MOV10L1: variants seen among roughly 807,000 people sequenced by gnomAD.
The protein encoded by MOV10L1 is Mov10 like RNA helicase 1, also known as RNA helicase Mov10l1.
MOV10L1 carries 110 observed loss-of-function variants against 143.8 expected under a neutral mutation model. The ratio of observed to expected loss-of-function variants is 0.76; its 90% confidence interval spans 0.66 to 0.90. The LOEUF (loss-of-function observed/expected upper bound fraction) is 0.90, where lower values mean the gene tolerates loss of function less well. MOV10L1 is among the 40% of genes least tolerant of loss of function. MOV10L1 has a pLI of 0.00. For missense variants in MOV10L1, 1,406 were observed against 1,526.8 expected (o/e 0.92, Z 1.32); for synonymous variants, 593 against 581.1 (o/e 1.02, Z -0.29).
At chr22:50,160,413 A>AT (rs773599179) in intron 24 of MOV10L1, among the ~76,000 whole-genome samples, 5,717 of 142,426 alleles carry the variant, frequency 0.04, 175 homozygotes, top group Non-Finnish European at 0.058. Context: ...CGCCCAGCTA[A>AT]TTTTTTTTTT....
chr22:50,134,625 A>C lies in MOV10L1; in HGVS notation c.2065A>C (p.Lys689Gln). The C allele has an allele frequency of 1.2e-6, 2 of 1,614,004 alleles. No individual in the cohort carries two copies. The highest frequency in any genetic ancestry group is 1.7e-6 in the Non-Finnish European group (2 of 1,179,860). Residue 689 changes from lysine to glutamine, a missense_variant, in exon 15 of 27, where the codon AAA (lysine) becomes CAA (glutamine). Physicochemically the swap from Lys to Gln is moderately conservative, Grantham distance 53. This residue lies in a region of MOV10L1 where 1,233 missense variants were observed against 1,351.4 expected (regional missense o/e 0.91). Coordinates refer to ENST00000262794, the MANE Select transcript of MOV10L1 (RefSeq NM_018995.3). ...DTKSSGQSTSKKNRKTMTDQA... is the reference protein window; with the variant it reads ...DTKSSGQSTSQKNRKTMTDQA... ...CAAAAGCAGTGGACAGTCCACCAGC[A>C]AAAAGGTAGTGCTCAGCAATGTGGC...
Position 50,090,192 on chromosome 22 carries a change from C to T in MOV10L1, c.97+7C>T. On this transcript the variant is annotated splice_region_variant and intron_variant, in intron 1 of 26. Transcript: ENST00000262794. ...GAGCCCGAGCTCGCGGAAGGTGGCT[C>T]GCGGGAGGCGGCTGGGAGGCGGGTC... is the stretch of plus-strand genomic sequence containing the variant. 7.1e-7 allele frequency: 1 copy of T among 1,415,856 alleles called. No homozygotes were observed. The highest frequency in any genetic ancestry group is 9.2e-7 in the Non-Finnish European group (1 of 1,086,178). The allele number at this position is 1,415,856 out of a possible 1,614,324, so 87.7% of individuals were successfully genotyped here. A position where few individuals can be genotyped will look rare whatever the true frequency, so the allele number is the denominator to read the frequency against.
At chr22:50,111,332 A>G (rs926267569) in intron 5 of MOV10L1, among the ~76,000 whole-genome samples, 26 of 152,250 alleles carry the variant, frequency 1.7e-4, no homozygotes, top group African/African-American at 6.3e-4. Context: ...TGTGTAAATC[A>G]GCACTTTGAT....
chr22:50,150,677 C>G, intron 20 of MOV10L1, 58 bp from the exon 21 acceptor site: 1 of 1,582,164 alleles, frequency 6.3e-7, no homozygotes, highest in East Asian at 2.3e-5. Flanking sequence ...CACCTGAGCC[C>G]GTAGGAGTGG....
intron 20 of MOV10L1, 59 bp downstream of exon 20, chr22:50,149,773 C>G: frequency 6.8e-7 from 1 of 1,469,036 alleles, no homozygotes; most frequent in Non-Finnish European, 9.4e-7. Flanking sequence ...TGAGGGGATG[C>G]AGGCTGCGAT....
chr22:50,115,462 A>G (rs1602198720), intron 8 of MOV10L1, among the ~76,000 whole-genome samples: 2 of 152,212 alleles, frequency 1.3e-5, no homozygotes, highest in Admixed American at 1.3e-4. Context: ...CTGAGGCAGT[A>G]GAATCGCTTA....
chr22:50,114,397 C>G lies in MOV10L1; in HGVS notation c.901C>G (p.Pro301Ala). ...TTTTTCCAGGAATAAAGGAGACATTCCTCAAAACTTAGTCAGCTGTAAACT... is the reference window on the plus strand; with the variant it reads ...TTTTTCCAGGAATAAAGGAGACATTGCTCAAAACTTAGTCAGCTGTAAACT... ...VIWIENKGDI[P>A]QNLVSCKLAG... Residue 301 changes from proline to alanine, a missense_variant, in exon 7 of 27, where the codon CCT (proline) becomes GCT (alanine). Coordinates refer to ENST00000262794, the MANE Select transcript of MOV10L1 (RefSeq NM_018995.3). 6.2e-7 allele frequency: 1 copy of G among 1,614,034 alleles called. No individual in the cohort carries two copies. The highest frequency in any genetic ancestry group is 8.5e-7 in the Non-Finnish European group (1 of 1,179,964).
chr22:50,157,194 G>A (rs771121620), intron 22 of MOV10L1, among the ~76,000 whole-genome samples: 2 of 152,136 alleles, frequency 1.3e-5, no homozygotes, highest in African/African-American at 2.4e-5. Flanking sequence ...TAATTGGGTC[G>A]CTTTTTGTCA....
chr22:50,097,003 C>G (rs2062606257), intron 2 of MOV10L1, among the ~76,000 whole-genome samples: 1 of 152,206 alleles, frequency 6.6e-6, no homozygotes, highest in Non-Finnish European at 1.5e-5. Flanking sequence ...TCTTTTATTG[C>G]ATGTACTTCT....
intron 3 of MOV10L1, among the ~76,000 whole-genome samples, chr22:50,106,131 G>A (rs1386653617): frequency 6.6e-6 from 1 of 152,066 alleles, no homozygotes; most frequent in Middle Eastern, 3.2e-3. Context: ...TCAATAGAAA[G>A]GTCTTCTGAA....
chr22:50,090,150 A>C lies in MOV10L1; in HGVS notation c.62A>C (p.Glu21Ala). 7.0e-7 allele frequency: 1 copy of C among 1,420,694 alleles called. No individual in the cohort carries two copies. Among genetic ancestry groups the C allele is most frequent in the South Asian group, 1.6e-5 (1 of 63,114 alleles). The allele number at this position is 1,420,694 out of a possible 1,614,324, so 88.0% of individuals were successfully genotyped here. Residue 21 changes from glutamate (E) to alanine (A), a missense_variant, in exon 1 of 27, where the codon GAG becomes GCG. Glu to Ala is a moderately radical substitution (Grantham distance 107, BLOSUM62 -1). Around this residue, in one of 3 missense-constraint regions of MOV10L1, gnomAD observed 166 missense variants for 153.9 expected, o/e 1.08. Coordinates refer to ENST00000262794, the MANE Select transcript of MOV10L1 (RefSeq NM_018995.3). Reference sequence around the variant, plus strand: ...TGGAGGACGGCGGACACCCCTAGGGAGGAAGCCGGGCAGCTGGAGCCCGAG... The same window carrying C: ...TGGAGGACGGCGGACACCCCTAGGGCGGAAGCCGGGCAGCTGGAGCCCGAG... Reference protein sequence around the residue: ...FFWRTADTPREEAGQLEPELA... With the variant: ...FFWRTADTPRAEAGQLEPELA...
At chr22:50,156,721 G>A (rs1022340854) in intron 22 of MOV10L1, among the ~76,000 whole-genome samples, 4 of 152,210 alleles carry the variant, frequency 2.6e-5, no homozygotes, top group Non-Finnish European at 5.9e-5. Context: ...TTTGGGGGCT[G>A]AGTAGCATTG....
rs1039348362 is a variant in MOV10L1 at position 50,158,680 on chromosome 22, G to A, written c.3216+474G>A. On this transcript the variant is annotated intron_variant, in intron 23 of 26. Transcript: ENST00000262794. This position sits in a 1 kb window ranked among gnomAD's most constrained non-coding sequence, Gnocchi z 5.0. ...ACAGTGGCTCTGGAGCTCTGGTGGG[G>A]ACACAGGTGCCTCCCATGCCGAACA... 1 of 155,448 alleles carries A rather than the reference G, an allele frequency of 6.4e-6. No homozygotes were observed. The highest frequency in any genetic ancestry group is 1.4e-5 in the Non-Finnish European group (1 of 70,356). 9.6% of individuals were successfully genotyped at this position (155,448 alleles called of 1,614,324 possible). A position where few individuals can be genotyped will look rare whatever the true frequency, so the allele number is the denominator to read the frequency against.
At chr22:50,145,105 G>A (rs945492115) in intron 18 of MOV10L1, among the ~76,000 whole-genome samples, 1 of 151,936 alleles carries the variant, frequency 6.6e-6, no homozygotes, top group Non-Finnish European at 1.5e-5. Flanking sequence ...ACCACATCCA[G>A]CTAATTTTGT....
At chr22:50,090,401 T>C in intron 1 of MOV10L1, 2 of 1,565,646 alleles carry the variant, frequency 1.3e-6, no homozygotes, top group Non-Finnish European at 1.7e-6. Context: ...CTGTGAGGTC[T>C]CTCCGGTGAC....
intron 8 of MOV10L1, among the ~76,000 whole-genome samples, chr22:50,115,881 G>A (rs540951567): frequency 2.6e-5 from 4 of 152,322 alleles, no homozygotes; most frequent in Admixed American, 1.3e-4. Context: ...GCCAAGGCAC[G>A]GACAGCACAG....
At chr22:50,145,453 T>C (rs1036793381) in intron 18 of MOV10L1, among the ~76,000 whole-genome samples, 2 of 152,100 alleles carry the variant, frequency 1.3e-5, no homozygotes, top group South Asian at 2.1e-4. Flanking sequence ...ACAAACTGAA[T>C]AGAAAATGTA....
chr22:50,117,743 A>G lies in MOV10L1; in HGVS notation c.1454+392A>G, dbSNP rs562512728. 5.9e-5 allele frequency among the ~76,000 whole-genome samples: 9 copies of G among 152,294 alleles called. No homozygotes were observed. The South Asian group carries it at 1.9e-3, about 32-fold the overall frequency. On this transcript the variant is annotated intron_variant, in intron 9 of 26. Coordinates refer to ENST00000262794, the MANE Select transcript of MOV10L1 (RefSeq NM_018995.3). ...CCCCGTGTCATTCGCACTGGGGGCA[A>G]CAGGATTGTGGGGTCACCTGAAGCC...
chr22:50,158,031 T>G lies in MOV10L1; in HGVS notation c.3067-26T>G. 6.3e-7 allele frequency: 1 copy of G among 1,599,640 alleles called. No homozygotes were observed. ...TCTGGTGAATATTCATGAAGTAAAG[T>G]AGGTTTTCTCTCCTCATCAACCCAG... On this transcript the variant is annotated intron_variant, in intron 22 of 26. Transcript: ENST00000262794. This position sits in a 1 kb window ranked among gnomAD's most constrained non-coding sequence, Gnocchi z 5.0.
Sources: allele counts gnomAD v4.1 joint callset (sites outside exome capture counted in the v4.1 genomes callset), GRCh38; gene constraint gnomAD v4.1.1; regional missense constraint gnomAD v4.1.1; non-coding constraint Gnocchi (gnomAD v3.1); transcripts MANE v1.5; gene names NCBI Gene and HGNC (gene_info 2026-07-23, HGNC 2026-07-21).